FSTL5: variants seen among roughly 807,000 people sequenced by gnomAD.
The protein encoded by FSTL5 is follistatin like 5.
In FSTL5, 62 loss-of-function variants were observed where a neutral mutation model predicts 89.1. The ratio of observed to expected loss-of-function variants is 0.70; its 90% CI spans 0.57 to 0.86. The LOEUF (loss-of-function observed/expected upper bound fraction) is 0.86. Ranked by LOEUF, FSTL5 falls within the 40% of genes least tolerant of loss-of-function variation. FSTL5 has a pLI of 0.00. For synonymous variants in FSTL5, 383 were observed against 346.2 expected (o/e 1.11, Z -1.18); for missense variants, 1,057 against 1,001.6 (o/e 1.06, Z -0.75).
At chr4:161,610,736 C>T (rs943429910) in intron 7 of FSTL5, among the ~76,000 whole-genome samples, 2 of 152,016 alleles carry the variant, frequency 1.3e-5, no homozygotes, top group Non-Finnish European at 2.9e-5. Flanking sequence ...CCTGCTGACA[C>T]ATTGATATGA....
chr4:162,054,673 C>T (rs1462511335), intron 2 of FSTL5, among the ~76,000 whole-genome samples: 2 of 151,824 alleles, frequency 1.3e-5, no homozygotes, highest in African/African-American at 4.8e-5. Flanking sequence ...AACTTCTAAT[C>T]ATAAGTTCTT....
intron 4 of FSTL5, among the ~76,000 whole-genome samples, chr4:161,778,096 A>T (rs1327506628): frequency 9.9e-5 from 1 of 10,118 alleles, no homozygotes; most frequent in Non-Finnish European, 2.6e-4. Context: ...TCCGTATCAC[A>T]CACACACACA....
chr4:161,602,880 C>T (rs1444751050), intron 7 of FSTL5, among the ~76,000 whole-genome samples: 1 of 152,012 alleles, frequency 6.6e-6, no homozygotes, highest in East Asian at 1.9e-4. Context: ...TCATTAACAG[C>T]AAATCTGCAT....
chr4:161,601,456 G>A (rs898190395), intron 7 of FSTL5, among the ~76,000 whole-genome samples: 1 of 151,668 alleles, frequency 6.6e-6, no homozygotes, highest in Non-Finnish European at 1.5e-5. Flanking sequence ...CCTTACCGAT[G>A]TGAACAAGGT....
rs1554002300 is a variant in FSTL5 at position 161,611,226 on chromosome 4, G to GTATACATA, written c.895-23659_895-23652dup. Among the ~76,000 whole-genome samples, 25 of 92,070 alleles carry GTATACATA rather than the reference G, an allele frequency of 2.7e-4. No individual in the cohort carries two copies. The Admixed American group carries it at 2.9e-3, about 11-fold the overall frequency. The allele number at this position is 92,070 out of a possible 152,430, so 60.4% of individuals were successfully genotyped here. ...TATATATGTGTATATGTGTGTATGT[G>GTATACATA]TATACATATATATATATATATATAT... is the stretch of plus-strand genomic sequence containing the variant. On this transcript the variant is annotated intron_variant, in intron 7 of 15. Transcript: ENST00000306100.
intron 4 of FSTL5, among the ~76,000 whole-genome samples, chr4:161,887,458 GTCTA>G (rs200082795): frequency 0.04 from 5,941 of 148,042 alleles, 156 homozygotes; most frequent in Non-Finnish European, 0.061. Flanking sequence ...TAATCTATCA[GTCTA>G]TCTGTCTGTT....
intron 8 of FSTL5, among the ~76,000 whole-genome samples, chr4:161,568,324 T>C (rs187298282): frequency 6.6e-6 from 1 of 152,234 alleles, no homozygotes; most frequent in East Asian, 1.9e-4. Context: ...CTCTAGAAAC[T>C]TACAAAGAAT....
intron 15 of FSTL5, 95 bp from the exon 16 acceptor site, chr4:161,386,544 T>A: frequency 1.3e-6 from 1 of 797,442 alleles, no homozygotes; most frequent in Non-Finnish European, 2.0e-6. Context: ...CATCGCAGGC[T>A]CTAATTGTCA....
intron 3 of FSTL5, among the ~76,000 whole-genome samples, chr4:161,964,948 A>G (rs359505): frequency 0.26 from 39,317 of 151,940 alleles, 6,275 homozygotes; most frequent in African/African-American, 0.45. Flanking sequence ...TTATCATTCC[A>G]TTACTTTACT....
At chr4:161,948,465 G>T (rs1028894507) in intron 3 of FSTL5, among the ~76,000 whole-genome samples, 4 of 145,674 alleles carry the variant, frequency 2.7e-5, no homozygotes, top group Non-Finnish European at 6.0e-5. Flanking sequence ...CTACATGAAC[G>T]GAATTTTTTT....
At chr4:161,566,014 A>G (rs1732787673) in intron 8 of FSTL5, among the ~76,000 whole-genome samples, 1 of 149,802 alleles carries the variant, frequency 6.7e-6, no homozygotes. Context: ...AGGTTGTACT[A>G]ATGTACATTC....
At chr4:161,608,055 G>A (rs1034338614) in intron 7 of FSTL5, among the ~76,000 whole-genome samples, 10 of 152,072 alleles carry the variant, frequency 6.6e-5, no homozygotes, top group Middle Eastern at 3.2e-3. Context: ...TAAGAAATTG[G>A]AGAAATTTGT....
chr4:161,527,414 C>A (rs1186431185), intron 10 of FSTL5, among the ~76,000 whole-genome samples: 2 of 152,098 alleles, frequency 1.3e-5, no homozygotes, highest in Non-Finnish European at 1.5e-5. Context: ...GGGCTAATAG[C>A]CAGAATCTAC....
intron 3 of FSTL5, among the ~76,000 whole-genome samples, chr4:161,997,391 T>C (rs1377251392): frequency 1.3e-5 from 2 of 152,136 alleles, no homozygotes; most frequent in Non-Finnish European, 2.9e-5. Flanking sequence ...ATAACTAACA[T>C]CACTCCTTAA....
At chr4:161,527,843 C>T (rs1192512688) in intron 10 of FSTL5, among the ~76,000 whole-genome samples, 2 of 151,254 alleles carry the variant, frequency 1.3e-5, no homozygotes, top group African/African-American at 2.5e-5. Flanking sequence ...GACACATGCA[C>T]ACGTATGTTT....
chr4:161,439,298 T>A (rs1732681599), intron 15 of FSTL5, among the ~76,000 whole-genome samples: 1 of 152,206 alleles, frequency 6.6e-6, no homozygotes, highest in African/African-American at 2.4e-5. Context: ...AAACTTTAAA[T>A]GGTGTCGAGT....
At chr4:161,480,189 C>G (rs1299071472) in intron 13 of FSTL5, among the ~76,000 whole-genome samples, 1 of 152,180 alleles carries the variant, frequency 6.6e-6, no homozygotes, top group East Asian at 1.9e-4. Flanking sequence ...CTTCCACATG[C>G]CAGGGTCTAC....
intron 8 of FSTL5, among the ~76,000 whole-genome samples, chr4:161,582,834 T>G (rs1277566559): frequency 6.6e-6 from 1 of 152,110 alleles, no homozygotes; most frequent in Non-Finnish European, 1.5e-5. Flanking sequence ...TGCCATGTCT[T>G]TGCATTTAGG....
intron 15 of FSTL5, among the ~76,000 whole-genome samples, chr4:161,438,035 G>A (rs1323693939): frequency 6.6e-6 from 1 of 152,074 alleles, no homozygotes; most frequent in Admixed American, 6.6e-5. Flanking sequence ...GGCAAAGATG[G>A]GCAAGGCAAA....
Sources: gnomAD v4.1 joint callset for allele counts (sites outside exome capture counted in the v4.1 genomes callset) on GRCh38, gnomAD v4.1.1 for gene constraint, MANE v1.5 for transcripts, NCBI Gene and HGNC (gene_info 2026-07-23, HGNC 2026-07-21) for gene names.